The following AMY2B variants were observed in gnomAD, a reference collection of about 807,000 sequenced individuals.
AMY2B encodes alpha-amylase 2B.
A neutral mutation model predicts 59.3 loss-of-function variants in AMY2B; 63 were observed. That is an observed-to-expected ratio of 1.06 (90% CI 0.87 to 1.31). The LOEUF (loss-of-function observed/expected upper bound fraction) is 1.31. AMY2B is among the 50% of genes most tolerant of loss of function. The probability of loss-of-function intolerance (pLI) is 0.00; values close to 1 mark genes in which losing one functional copy is unlikely to be tolerated. For synonymous variants in AMY2B, 180 were observed against 198.1 expected (o/e 0.91, Z 0.77); for missense variants, 635 against 626.7 (o/e 1.01, Z -0.14).
At chr1:103,570,336 A>G, upstream of AMY2B, 1 of 676,154 alleles carries the variant, frequency 1.5e-6, no homozygotes. Flanking sequence ...ACGCTGTTCC[A>G]GCCTTCCTTC....
At chr1:103,563,233 T>C (rs1296319001) in intron 1 of AMY2B, among the ~76,000 whole-genome samples, 1 of 152,090 alleles carries the variant, frequency 6.6e-6, no homozygotes, top group East Asian at 1.9e-4. Flanking sequence ...CTTAGGGAAT[T>C]CCCAAGATAT....
chr1:103,575,117 A>T (rs1652298907), intron 5 of AMY2B, 106 bp from the exon 6 acceptor site: 39 of 1,517,972 alleles, frequency 2.6e-5, no homozygotes, highest in Non-Finnish European at 3.3e-5. Flanking sequence ...TAGAGAAAGA[A>T]TTTAATCTTC....
At chr1:103,556,835 T>A (rs1651567517) in intron 1 of AMY2B, among the ~76,000 whole-genome samples, 2 of 152,128 alleles carry the variant, frequency 1.3e-5, no homozygotes, top group Admixed American at 6.5e-5. Context: ...TACTACCCTG[T>A]GAGAAGACAG....
intron 6 of AMY2B, 27 bp from the exon 7 acceptor site, chr1:103,575,414 G>T: frequency 6.2e-7 from 1 of 1,613,036 alleles, no homozygotes; most frequent in Non-Finnish European, 8.5e-7. Flanking sequence ...CTGATATTCT[G>T]TGATAATATA....
upstream of AMY2B, chr1:103,571,017 A>C (rs542418960): frequency 2.5e-3 from 936 of 380,528 alleles, no homozygotes; most frequent in Non-Finnish European, 3.4e-3. Flanking sequence ...TGATCTGTGC[A>C]GGGTATTAAT....
At chr1:103,562,219 AATC>A (rs1651755845) in intron 1 of AMY2B, 1 of 152,190 alleles carries the variant, frequency 6.6e-6, no homozygotes, top group Admixed American at 6.6e-5. Context: ...TTTGTTGACA[AATC>A]ATGTTTCAGT....
chr1:103,564,631 C>T (rs994275018), intron 1 of AMY2B, among the ~76,000 whole-genome samples: 4 of 152,168 alleles, frequency 2.6e-5, no homozygotes, highest in African/African-American at 9.6e-5. Flanking sequence ...ACTCTCCAGG[C>T]CTGATAATTC....
upstream of AMY2B, chr1:103,570,302 G>A (rs964575216): frequency 3.3e-6 from 2 of 602,386 alleles, no homozygotes; most frequent in South Asian, 1.4e-5. Context: ...ATCACCATCG[G>A]CAATGAGGTT....
chr1:103,561,237 A>G (rs1212870061), intron 1 of AMY2B, among the ~76,000 whole-genome samples: 1 of 152,182 alleles, frequency 6.6e-6, no homozygotes, highest in East Asian at 1.9e-4. Context: ...AGCATCTAGT[A>G]GATGGTGATG....
In AMY2B at chr1:103,573,271, T is replaced by G. The variant is rs1652209535; in HGVS notation, c.513+11T>G. 6.2e-7 allele frequency: 1 copy of G among 1,613,530 alleles called. No individual in the cohort carries two copies. Among genetic ancestry groups the G allele is most frequent in the Admixed American group, 1.7e-5 (1 of 59,984 alleles). On this transcript the variant is annotated intron_variant, in intron 3 of 9. Coordinates refer to ENST00000684275, the MANE Select transcript of AMY2B (RefSeq NM_001387437.1). ...AATGATGCTACTCAGGTAAATTTTT[T>G]TATGAGAGTCATCTGAATAAGGGGT...
intron 4 of AMY2B, 74 bp from the exon 5 acceptor site, chr1:103,574,186 A>G (rs1652252497): frequency 3.1e-6 from 5 of 1,593,894 alleles, no homozygotes; most frequent in South Asian, 2.3e-5. Context: ...TATCTTTTAT[A>G]TAATATTAAC....
chr1:103,566,770 T>C (rs1439149062), upstream of AMY2B, among the ~76,000 whole-genome samples: 3 of 152,200 alleles, frequency 2.0e-5, no homozygotes, highest in South Asian at 2.1e-4. Context: ...GTCTGGGCCT[T>C]AGTTCCAACA....
Position 103,561,329 on chromosome 1 carries a change from G to A in AMY2B, c.-206-4106G>A, listed in dbSNP as rs12062800. On this transcript the variant is annotated intron_variant, in intron 1 of 11. Transcript: ENST00000361355. ...GTTGCCCAGGCTGGAGTGCAGTGGC[G>A]CAGTCTCGGCTCACTGCAACCTCCA... Among the ~76,000 whole-genome samples the A allele has an allele frequency of 2.2e-3, 340 of 152,050 alleles. 2 individuals are homozygous for A. The highest frequency in any genetic ancestry group is 7.4e-3 in the African/African-American group (306 of 41,476).
chr1:103,572,354 A>T (rs1424958730), intron 2 of AMY2B, 98 bp downstream of exon 2: 2 of 1,514,936 alleles, frequency 1.3e-6, no homozygotes, highest in Admixed American at 2.3e-5. Context: ...TCCATATTTT[A>T]TTTTTTTAAT....
At chr1:103,562,270 G>C (rs1393671633) in intron 1 of AMY2B, among the ~76,000 whole-genome samples, 1 of 152,188 alleles carries the variant, frequency 6.6e-6, no homozygotes, top group Non-Finnish European at 1.5e-5. Flanking sequence ...TATTGAAAAT[G>C]TGTCTTAGCC....
chr1:103,575,805 A>G, intron 7 of AMY2B: 2 of 411,370 alleles, frequency 4.9e-6, no homozygotes, highest in Non-Finnish European at 4.2e-6. Context: ...TAAAAATAAG[A>G]GCTAGGCACA....
At chr1:103,575,568 C>A in intron 7 of AMY2B, 28 bp downstream of exon 7, 1 of 1,610,626 alleles carries the variant, frequency 6.2e-7, no homozygotes, top group South Asian at 1.1e-5. Flanking sequence ...TCAAACTATC[C>A]TTTTCTCAAG....
intron 1 of AMY2B, among the ~76,000 whole-genome samples, chr1:103,558,214 G>A (rs1368165794): frequency 1.3e-5 from 2 of 152,198 alleles, no homozygotes; most frequent in South Asian, 2.1e-4. Context: ...TAAAGCATGT[G>A]TCAAAATGAA....
intron 8 of AMY2B, 46 bp downstream of exon 8, chr1:103,577,654 T>C (rs2316142): frequency 6.3e-5 from 102 of 1,611,808 alleles, no homozygotes; most frequent in African/African-American, 1.3e-4. Flanking sequence ...AAACTTTCCA[T>C]TGCATTTTAT....
Sources: allele counts gnomAD v4.1 joint callset (sites outside exome capture counted in the v4.1 genomes callset), GRCh38; gene constraint gnomAD v4.1.1; transcripts MANE v1.5; gene names NCBI Gene and HGNC (gene_info 2026-07-23, HGNC 2026-07-21).